Variants in SDK1 observed in about 807,000 individuals in gnomAD.
The protein encoded by SDK1 is protein sidekick-1.
SDK1 carries 157 observed loss-of-function variants against 245.5 expected under a neutral mutation model. The observed-to-expected ratio is 0.64, with a 90% CI of 0.56 to 0.73. The LOEUF (loss-of-function observed/expected upper bound fraction) is 0.73, where lower values mean the gene tolerates loss of function less well. Among genes scored for constraint, SDK1 ranks in the 30% least tolerant of loss-of-function variants. The pLI is 0.00. For synonymous variants in SDK1, 1,647 were observed against 1,278.5 expected (o/e 1.29, Z -6.15); for missense variants, 3,583 against 3,002.3 (o/e 1.19, Z -4.52).
At chr7:3,414,530 A>C (rs1037937355) in intron 1 of SDK1, among the ~76,000 whole-genome samples, 4 of 152,202 alleles carry the variant, frequency 2.6e-5, no homozygotes, top group Admixed American at 2.6e-4. Flanking sequence ...GATCACAAAA[A>C]ATGAAGTTGG....
intron 5 of SDK1, among the ~76,000 whole-genome samples, chr7:3,888,407 G>T (rs879906382): frequency 2.0e-5 from 3 of 152,304 alleles, no homozygotes; most frequent in African/African-American, 7.2e-5. Context: ...ACCGTACCCC[G>T]CCTCTGCAAG....
In SDK1 at chr7:4,193,021, T is replaced by C. The variant is rs187781104; in HGVS notation, c.5099-12858T>C. On this transcript the variant is annotated intron_variant, in intron 35 of 44. Transcript: ENST00000404826. ...TATAAATATATAATATATAAAAATA[T>C]ATAATATAGATTATATAAGATACAA... 3.5e-5 allele frequency among the ~76,000 whole-genome samples: 5 copies of C among 143,102 alleles called. No homozygotes were observed. In the East Asian group the frequency reaches 9.9e-4, roughly 28 times the overall value. The allele number at this position is 143,102 out of a possible 152,430, so 93.9% of individuals were successfully genotyped here.
At chr7:3,526,591 CA>C (rs543189815) in intron 1 of SDK1, among the ~76,000 whole-genome samples, 2 of 152,116 alleles carry the variant, frequency 1.3e-5, no homozygotes, top group African/African-American at 2.4e-5. Context: ...TTTTCTCCAT[CA>C]CTTTGCTTGG....
chr7:3,440,532 G>T (rs1780165618), intron 1 of SDK1, among the ~76,000 whole-genome samples: 1 of 152,118 alleles, frequency 6.6e-6, no homozygotes, highest in South Asian at 2.1e-4. Flanking sequence ...CAGATCAACT[G>T]TTGCAGTATC....
At position 4,076,984 on chromosome 7, in the gene SDK1, C is replaced by T. The variant is rs376872715; in HGVS notation, c.3011-14C>T. 12 of 1,612,366 alleles carry T rather than the reference C, an allele frequency of 7.4e-6. No homozygotes were observed. The highest frequency in any genetic ancestry group is 3.3e-5 in the Admixed American group (2 of 59,970). On this transcript the variant is annotated splice_polypyrimidine_tract_variant and intron_variant, in intron 20 of 44. Coordinates refer to ENST00000404826, the MANE Select transcript of SDK1 (RefSeq NM_152744.4). The stretch of plus-strand genomic sequence containing the variant: ...TCAGGAGACCAACACTGGTCTGGTC[C>T]TGTTGCTTTCTAGGCTATCAGATCT...
intron 20 of SDK1, among the ~76,000 whole-genome samples, chr7:4,075,681 G>C (rs1431568200): frequency 6.8e-6 from 1 of 147,600 alleles, no homozygotes; most frequent in African/African-American, 2.5e-5. Context: ...TTAAGACAAA[G>C]TCTTGCTCTG....
intron 1 of SDK1, among the ~76,000 whole-genome samples, chr7:3,332,728 G>T (rs1287903721): frequency 6.6e-6 from 1 of 152,126 alleles, no homozygotes; most frequent in Non-Finnish European, 1.5e-5. Flanking sequence ...ACTTTTAAAG[G>T]TTCTGACATT....
chr7:3,624,256 G>C (rs1447369175), intron 2 of SDK1, among the ~76,000 whole-genome samples: 2 of 152,172 alleles, frequency 1.3e-5, no homozygotes, highest in Non-Finnish European at 2.9e-5. Context: ...TGGAGTGCAA[G>C]TGGCCTGATC....
At chr7:3,625,555 C>G (rs1266368602) in intron 2 of SDK1, among the ~76,000 whole-genome samples, 1 of 152,296 alleles carries the variant, frequency 6.6e-6, no homozygotes, top group South Asian at 2.1e-4. Context: ...GATCCCTTAT[C>G]AAGTTGGCAG....
chr7:3,687,472 A>C (rs1380241310), intron 4 of SDK1, among the ~76,000 whole-genome samples: 1 of 152,124 alleles, frequency 6.6e-6, no homozygotes, highest in African/African-American at 2.4e-5. Flanking sequence ...AAACATCCCA[A>C]ATGTCCCTCA....
intron 4 of SDK1, among the ~76,000 whole-genome samples, chr7:3,702,641 G>A (rs1276429010): frequency 6.6e-6 from 1 of 152,232 alleles, no homozygotes; most frequent in Non-Finnish European, 1.5e-5. Context: ...AATTAGCAGT[G>A]ATGAGATGCC....
intron 28 of SDK1, among the ~76,000 whole-genome samples, chr7:4,136,149 C>T (rs1584254275): frequency 6.6e-6 from 1 of 152,288 alleles, no homozygotes; most frequent in African/African-American, 2.4e-5. Flanking sequence ...CACACAGCAC[C>T]GTGTCTACCT....
At chr7:3,637,834 G>T (rs1782515044) in intron 2 of SDK1, among the ~76,000 whole-genome samples, 1 of 152,238 alleles carries the variant, frequency 6.6e-6, no homozygotes, top group Non-Finnish European at 1.5e-5. Context: ...TGAATACATT[G>T]TGCTGAGAGA....
intron 1 of SDK1, among the ~76,000 whole-genome samples, chr7:3,393,617 A>T (rs1562459999): frequency 6.6e-6 from 1 of 152,238 alleles, no homozygotes; most frequent in Non-Finnish European, 1.5e-5. Context: ...ATGGGCTACA[A>T]GTTAAAATGA....
chr7:3,390,365 C>A (rs1781718598), intron 1 of SDK1, among the ~76,000 whole-genome samples: 1 of 152,186 alleles, frequency 6.6e-6, no homozygotes, highest in African/African-American at 2.4e-5. Flanking sequence ...TTACCACTGA[C>A]AGTGACTTCA....
chr7:4,044,610 CT>C (rs960235304), intron 17 of SDK1, among the ~76,000 whole-genome samples: 59 of 152,014 alleles, frequency 3.9e-4, no homozygotes, highest in African/African-American at 1.4e-3. Flanking sequence ...TGCCTGGCTA[CT>C]TTTTTTACTT....
chr7:3,830,360 T>A (rs1244452540), intron 5 of SDK1, among the ~76,000 whole-genome samples: 2 of 152,230 alleles, frequency 1.3e-5, no homozygotes, highest in East Asian at 1.9e-4. Context: ...TGTTAGTAAT[T>A]CCTCCAATCT....
chr7:3,890,016 G>A (rs1781422017), intron 5 of SDK1, among the ~76,000 whole-genome samples: 1 of 152,110 alleles, frequency 6.6e-6, no homozygotes, highest in Admixed American at 6.5e-5. Context: ...CTGGTTCAGT[G>A]GTCAGTATTG....
chr7:3,876,482 C>T (rs1781079518), intron 5 of SDK1, among the ~76,000 whole-genome samples: 1 of 152,114 alleles, frequency 6.6e-6, no homozygotes, highest in Non-Finnish European at 1.5e-5. Context: ...TCCTCATTCT[C>T]CTAAAATGAA....
Sources: allele counts gnomAD v4.1 joint callset (sites outside exome capture counted in the v4.1 genomes callset), GRCh38; gene constraint gnomAD v4.1.1; transcripts MANE v1.5; gene names NCBI Gene and HGNC (gene_info 2026-07-23, HGNC 2026-07-21).